RARRES1: variants seen among roughly 807,000 people sequenced by gnomAD.
RARRES1 encodes the protein retinoic acid receptor responder 1.
A neutral mutation model predicts 30.6 loss-of-function variants in RARRES1; 34 were observed. That is an observed-to-expected ratio of 1.11 (90% confidence interval 0.84 to 1.48). The LOEUF is 1.48. Ranked by LOEUF, RARRES1 falls within the 40% of genes most tolerant of loss-of-function variation. The pLI is 0.00. For missense variants in RARRES1, 373 were observed against 386.5 expected (o/e 0.97, Z 0.29); for synonymous variants, 153 against 155.5 (o/e 0.98, Z 0.12).
At chr3:158,721,084 G>T (rs1161476148) in intron 1 of RARRES1, among the ~76,000 whole-genome samples, 1 of 152,204 alleles carries the variant, frequency 6.6e-6, no homozygotes, top group East Asian at 1.9e-4. Context: ...CCCAGTGCAG[G>T]TGGGGACATC....
chr3:158,718,997 A>C (rs999972365), intron 1 of RARRES1, among the ~76,000 whole-genome samples: 5 of 152,228 alleles, frequency 3.3e-5, no homozygotes, highest in African/African-American at 1.2e-4. Context: ...ACACTGCCAG[A>C]ACTGCCCATC....
At chr3:158,702,446 GAAT>G (rs770934582) in intron 4 of RARRES1, among the ~76,000 whole-genome samples, 5 of 152,202 alleles carry the variant, frequency 3.3e-5, no homozygotes, top group Non-Finnish European at 7.3e-5. Flanking sequence ...AGACGGGTTA[GAAT>G]GGGAGGGAAA....
At chr3:158,728,021 C>T (rs1025636632) in intron 1 of RARRES1, among the ~76,000 whole-genome samples, 9 of 152,108 alleles carry the variant, frequency 5.9e-5, no homozygotes, top group East Asian at 5.8e-4. Context: ...AATTTCAGCG[C>T]GAGAAGAGGT....
chr3:158,712,194 A>G (rs930452311), intron 2 of RARRES1, among the ~76,000 whole-genome samples: 1 of 152,168 alleles, frequency 6.6e-6, no homozygotes, highest in Non-Finnish European at 1.5e-5. Flanking sequence ...TGAGGTGATA[A>G]TCTTCTTTTT....
In RARRES1 at chr3:158,713,796, CCT is replaced by C. The variant is rs1727226637; in HGVS notation, c.338_339del (p.Glu113ValfsTer7). ...VVFSTERYNP[E>X]SLLQEGEGRL... ...ATACTTTGCCAATTGTGGCAGCTTA[CCT>C]CTGGGTTGTAGCGCTCTGTGCTGAA... On this transcript the variant is annotated frameshift_variant and splice_region_variant, in exon 2 of 6. Coordinates refer to ENST00000237696, the MANE Select transcript of RARRES1 (RefSeq NM_206963.2). LOFTEE classifies it high-confidence loss of function. The C allele has an allele frequency of 6.2e-7, 1 of 1,611,998 alleles. No individual in the cohort carries two copies. The highest frequency in any genetic ancestry group is 1.3e-5 in the African/African-American group (1 of 74,796).
intron 3 of RARRES1, among the ~76,000 whole-genome samples, chr3:158,706,483 C>G (rs1454614652): frequency 1.3e-5 from 2 of 152,170 alleles, no homozygotes; most frequent in Non-Finnish European, 2.9e-5. Flanking sequence ...ATACAGTATA[C>G]TGGCAGCAGA....
At chr3:158,706,607 C>T (rs924503497) in intron 3 of RARRES1, among the ~76,000 whole-genome samples, 2 of 152,108 alleles carry the variant, frequency 1.3e-5, no homozygotes, top group Non-Finnish European at 2.9e-5. Context: ...AGAAGAATCC[C>T]AGGCATGAAG....
At position 158,697,818 on chromosome 3, in the gene RARRES1, G is replaced by A; in HGVS notation, c.745C>T (p.Pro249Ser). The A allele has an allele frequency of 6.2e-7, 1 of 1,608,292 alleles. No individual in the cohort carries two copies. The highest frequency in any genetic ancestry group is 8.5e-7 in the Non-Finnish European group (1 of 1,176,108). Reference protein sequence around the residue: ...LHELSTQEIIPCRIHLVWYPG... With the variant: ...LHELSTQEIISCRIHLVWYPG... ...TACCAGACCAAGTGAATGCGACAGG[G>A]AATTATTTCCTAGGAAATAGAGTTA... Residue 249 changes from proline (P) to serine (S), a missense_variant, in exon 6 of 6, where the codon CCC becomes TCC. Pro to Ser is a moderately conservative substitution (Grantham distance 74, BLOSUM62 -1). Transcript: ENST00000237696.
intron 1 of RARRES1, among the ~76,000 whole-genome samples, chr3:158,720,769 TG>T (rs1727489193): frequency 6.6e-6 from 1 of 152,158 alleles, no homozygotes; most frequent in African/African-American, 2.4e-5. Context: ...CTTTAAATGG[TG>T]GTCTTCCTCT....
chr3:158,714,730 A>C (rs953050483), intron 1 of RARRES1, among the ~76,000 whole-genome samples: 4 of 152,216 alleles, frequency 2.6e-5, no homozygotes, highest in Admixed American at 6.5e-5. Context: ...TTAAGAGAGC[A>C]AAATGATAAA....
intron 1 of RARRES1, among the ~76,000 whole-genome samples, 163 bp from the exon 2 acceptor site, chr3:158,714,022 C>T (rs1454220435): frequency 3.3e-5 from 5 of 152,062 alleles, no homozygotes; most frequent in South Asian, 4.1e-4. Context: ...AAATTTTGTT[C>T]TGATTGTGCC....
intron 3 of RARRES1, chr3:158,705,824 T>C (rs1206882052): frequency 2.6e-5 from 4 of 152,218 alleles, no homozygotes; most frequent in Admixed American, 2.0e-4. Flanking sequence ...TTTTTTTCTG[T>C]GGCATTGTTT....
chr3:158,727,789 G>T (rs1477612113), intron 1 of RARRES1, among the ~76,000 whole-genome samples: 1 of 152,170 alleles, frequency 6.6e-6, no homozygotes, highest in African/African-American at 2.4e-5. Context: ...AAGGCATCAG[G>T]TGGGGGCAGT....
chr3:158,706,725 T>C (rs1027056862), intron 3 of RARRES1, among the ~76,000 whole-genome samples: 1 of 152,230 alleles, frequency 6.6e-6, no homozygotes, highest in Non-Finnish European at 1.5e-5. Context: ...TAGTTGATAA[T>C]GACCAAAGTT....
intron 1 of RARRES1, among the ~76,000 whole-genome samples, chr3:158,722,086 C>CAAAAAAAAAAAAAAAAAAAAA (rs571829700): frequency 1.5e-5 from 1 of 68,744 alleles, no homozygotes; most frequent in Non-Finnish European, 2.9e-5. Context: ...GAATGAAACT[C>CAAAAAAAAAAAAAAAAAAAAA]AAAAAAAAAA....
chr3:158,707,172 CA>C (rs1007544925), intron 3 of RARRES1, among the ~76,000 whole-genome samples: 9 of 151,856 alleles, frequency 5.9e-5, no homozygotes, highest in Non-Finnish European at 1.5e-5. Flanking sequence ...AAAAAACAAA[CA>C]AACAAACAAA....
chr3:158,701,939 CTAT>C (rs1023379370), intron 4 of RARRES1, among the ~76,000 whole-genome samples: 9 of 152,076 alleles, frequency 5.9e-5, no homozygotes, highest in African/African-American at 2.2e-4. Context: ...GCATATTCAA[CTAT>C]TATTTATCTA....
At chr3:158,719,192 A>G (rs1198965562) in intron 1 of RARRES1, among the ~76,000 whole-genome samples, 1 of 152,170 alleles carries the variant, frequency 6.6e-6, no homozygotes, top group Non-Finnish European at 1.5e-5. Flanking sequence ...AAAATTATGT[A>G]TAAAAGACTT....
intron 2 of RARRES1, among the ~76,000 whole-genome samples, chr3:158,713,536 A>G (rs552650090): frequency 3.3e-5 from 5 of 152,242 alleles, no homozygotes; most frequent in Admixed American, 3.3e-4. Flanking sequence ...ATTCTCTCCC[A>G]GGGGTCCCAA....
Sources: gnomAD v4.1 joint callset for allele counts (sites outside exome capture counted in the v4.1 genomes callset) on GRCh38, gnomAD v4.1.1 for gene constraint, MANE v1.5 for transcripts, NCBI Gene and HGNC (gene_info 2026-07-23, HGNC 2026-07-21) for gene names.